The following CHCHD6 variants were observed in gnomAD, a reference collection of about 807,000 sequenced individuals.
CHCHD6 encodes the protein coiled-coil-helix-coiled-coil-helix domain containing 6, also known as MICOS complex subunit MIC25.
Under a neutral mutation model 32.3 loss-of-function variants are expected in CHCHD6, and 28 were observed. That is an observed-to-expected ratio of 0.87 (90% confidence interval 0.64 to 1.19). The LOEUF (loss-of-function observed/expected upper bound fraction) is 1.19, where lower values mean the gene tolerates loss of function less well. Ranked by LOEUF, CHCHD6 falls within the 50% of genes most tolerant of loss-of-function variation. CHCHD6 has a pLI of 0.00. For synonymous variants in CHCHD6, 122 were observed against 117.5 expected (o/e 1.04, Z -0.25); for missense variants, 333 against 307.0 (o/e 1.08, Z -0.63).
chr3:126,875,198 A>G, intron 5 of CHCHD6, among the ~76,000 whole-genome samples: 1 of 152,136 alleles, frequency 6.6e-6, no homozygotes, highest in East Asian at 1.9e-4. Flanking sequence ...CTTCCTCATC[A>G]CAACACCAGA....
At chr3:126,864,333 A>C in intron 5 of CHCHD6, among the ~76,000 whole-genome samples, 2 of 110,924 alleles carry the variant, frequency 1.8e-5, no homozygotes, top group African/African-American at 3.6e-5. Context: ...CTCCACCACC[A>C]CCTCACCATT....
chr3:126,827,392 T>C (rs933230231), intron 4 of CHCHD6, among the ~76,000 whole-genome samples: 1 of 152,104 alleles, frequency 6.6e-6, no homozygotes, highest in Non-Finnish European at 1.5e-5. Flanking sequence ...GAATGAATGA[T>C]GGGAAATAGA....
intron 5 of CHCHD6, among the ~76,000 whole-genome samples, chr3:126,855,446 C>T (rs766060411): frequency 1.3e-5 from 2 of 152,210 alleles, no homozygotes; most frequent in Non-Finnish European, 2.9e-5. Flanking sequence ...CAAGTGCTGG[C>T]TCCTTCCCTG....
intron 4 of CHCHD6, among the ~76,000 whole-genome samples, chr3:126,768,058 A>G (rs375029317): frequency 5.5e-4 from 84 of 152,290 alleles, no homozygotes; most frequent in African/African-American, 2.0e-3. Flanking sequence ...CAGTGAACAT[A>G]TGTGATATGG....
At chr3:126,863,251 T>A (rs1357887361) in intron 5 of CHCHD6, among the ~76,000 whole-genome samples, 1 of 120,590 alleles carries the variant, frequency 8.3e-6, no homozygotes, top group Non-Finnish European at 1.8e-5. Context: ...CATCACCACC[T>A]CCTCCTCCAC....
intron 5 of CHCHD6, among the ~76,000 whole-genome samples, chr3:126,904,801 C>T (rs1245518304): frequency 6.6e-6 from 1 of 152,202 alleles, no homozygotes; most frequent in Non-Finnish European, 1.5e-5. Flanking sequence ...ACTCTCACTA[C>T]CACTCTAATT....
intron 2 of CHCHD6, among the ~76,000 whole-genome samples, chr3:126,729,942 C>T (rs1350730604): frequency 2.0e-5 from 3 of 152,086 alleles, no homozygotes; most frequent in African/African-American, 7.2e-5. Flanking sequence ...TCAGTATCAG[C>T]AAGTGGTGGG....
intron 4 of CHCHD6, among the ~76,000 whole-genome samples, chr3:126,842,810 CTTTTTTT>C (rs63135461): frequency 3.9e-4 from 37 of 94,662 alleles, no homozygotes; most frequent in Admixed American, 3.0e-3. Flanking sequence ...CACTGAAATT[CTTTTTTT>C]TTTTTTTTTT....
chr3:126,826,332 C>G (rs907025344), intron 4 of CHCHD6, among the ~76,000 whole-genome samples: 3 of 152,132 alleles, frequency 2.0e-5, no homozygotes, highest in Non-Finnish European at 4.4e-5. Context: ...TGCCTTTTAC[C>G]TATGCAGTCT....
intron 4 of CHCHD6, among the ~76,000 whole-genome samples, chr3:126,747,846 G>A (rs1301088674): frequency 6.6e-6 from 1 of 152,108 alleles, no homozygotes; most frequent in Admixed American, 6.5e-5. Flanking sequence ...CTGCATCTGG[G>A]CCTGGGCTCC....
In CHCHD6 at chr3:126,960,343, G is replaced by T; in HGVS notation, c.*142G>T. ...GAGCCTGGGGCTGCCACGTGTTTAG[G>T]AAACAAAGTATGCGCTACTGTCTGA... On this transcript the variant is annotated 3_prime_UTR_variant, in exon 8 of 8. Coordinates refer to ENST00000290913, the MANE Select transcript of CHCHD6 (RefSeq NM_032343.3). The T allele has an allele frequency of 1.1e-6, 1 of 929,076 alleles. No individual in the cohort carries two copies. The highest frequency in any genetic ancestry group is 1.7e-6 in the Non-Finnish European group (1 of 597,226). The allele number at this position is 929,076 out of a possible 1,614,324, so 57.6% of individuals were successfully genotyped here. A position where few individuals can be genotyped will look rare whatever the true frequency, so the allele number is the denominator to read the frequency against.
rs529436205 is a variant in CHCHD6, at chr3:126,726,335, G to A, written c.88-743G>A. 5.3e-5 allele frequency among the ~76,000 whole-genome samples: 8 copies of A among 152,258 alleles called. No individual in the cohort carries two copies. The South Asian group carries it at 1.2e-3, about 24-fold the overall frequency. ...ACAGCATTTATCGGTTAAGTTCGCC[G>A]TCTTACATGGACAATGTTCTCAGTG... On this transcript the variant is annotated intron_variant, in intron 1 of 7. Coordinates refer to ENST00000290913, the MANE Select transcript of CHCHD6 (RefSeq NM_032343.3).
intron 4 of CHCHD6, among the ~76,000 whole-genome samples, chr3:126,789,510 A>G (rs1938412072): frequency 6.6e-6 from 1 of 152,168 alleles, no homozygotes; most frequent in South Asian, 2.1e-4. Context: ...GTGCTCCTGT[A>G]TTGGGTGCAG....
chr3:126,943,119 C>T (rs575640145), intron 6 of CHCHD6, among the ~76,000 whole-genome samples: 19 of 152,268 alleles, frequency 1.2e-4, no homozygotes, highest in Admixed American at 5.2e-4. Flanking sequence ...CCATGCCAGC[C>T]GCCTTTTCAG....
At chr3:126,945,524 G>A (rs1352185037) in intron 6 of CHCHD6, among the ~76,000 whole-genome samples, 1 of 148,510 alleles carries the variant, frequency 6.7e-6, no homozygotes, top group African/African-American at 2.5e-5. Flanking sequence ...TGGGAGGGGG[G>A]AGACTTGAAT....
chr3:126,734,819 A>G (rs954760911), intron 4 of CHCHD6, among the ~76,000 whole-genome samples: 1 of 152,078 alleles, frequency 6.6e-6, no homozygotes, highest in African/African-American at 2.4e-5. Context: ...ATCCAGTGAG[A>G]AGAGTGAGGT....
chr3:126,792,977 A>G (rs1938624510), intron 4 of CHCHD6, among the ~76,000 whole-genome samples: 1 of 152,058 alleles, frequency 6.6e-6, no homozygotes, highest in Admixed American at 6.5e-5. Flanking sequence ...TGACCCTTTT[A>G]TCATTATGTA....
At chr3:126,868,176 C>T (rs1942352776) in intron 5 of CHCHD6, among the ~76,000 whole-genome samples, 1 of 152,256 alleles carries the variant, frequency 6.6e-6, no homozygotes, top group Non-Finnish European at 1.5e-5. Flanking sequence ...TTTCCCCCTA[C>T]AGAGTCCAGC....
At chr3:126,803,724 C>A (rs1255906941) in intron 4 of CHCHD6, among the ~76,000 whole-genome samples, 1 of 152,224 alleles carries the variant, frequency 6.6e-6, no homozygotes, top group Non-Finnish European at 1.5e-5. Context: ...TAATAGACAT[C>A]TACAGAACTC....
Sources: gnomAD v4.1 joint callset for allele counts (sites outside exome capture counted in the v4.1 genomes callset) on GRCh38, gnomAD v4.1.1 for gene constraint, MANE v1.5 for transcripts, NCBI Gene and HGNC (gene_info 2026-07-23, HGNC 2026-07-21) for gene names.